The following MAT1A variants were observed in gnomAD, a reference collection of about 807,000 sequenced individuals.
MAT1A encodes S-adenosylmethionine synthase isoform type-1.
Under a neutral mutation model 44.0 loss-of-function variants are expected in MAT1A, and 19 were observed. The ratio of observed to expected loss-of-function variants is 0.43; its 90% CI spans 0.30 to 0.63. The LOEUF (loss-of-function observed/expected upper bound fraction) is 0.63. Among genes scored for constraint, MAT1A ranks in the 30% least tolerant of loss-of-function variants. The pLI, the probability that MAT1A is intolerant of heterozygous loss-of-function variation, is 0.12. For missense variants in MAT1A, 397 were observed against 531.0 expected (o/e 0.75, Z 2.48); for synonymous variants, 205 against 205.6 (o/e 1.00, Z 0.03).
In MAT1A at chr10:80,280,663, A is replaced by G; in HGVS notation, c.405+17T>C. ...AGCCAGCTCAACACACAGCTCCCAC[A>G]TGCAGTGCCGAGCTACCTGATCTCC... is the stretch of plus-strand genomic sequence containing the variant. On this transcript the variant is annotated intron_variant, in intron 4 of 8. Coordinates refer to ENST00000372213, the MANE Select transcript of MAT1A (RefSeq NM_000429.3). 1 of 1,586,558 alleles carries G rather than the reference A, an allele frequency of 6.3e-7. No individual in the cohort carries two copies. Among genetic ancestry groups the G allele is most frequent in the Non-Finnish European group, 8.7e-7 (1 of 1,154,836 alleles).
chr10:80,285,712 CTTTT>C, intron 1 of MAT1A, 123 bp from the exon 2 acceptor site: 2 of 711,794 alleles, frequency 2.8e-6, no homozygotes, highest in East Asian at 2.7e-5. Flanking sequence ...AGGGAAAACA[CTTTT>C]TTTAAGTATA....
Position 80,272,030 on chromosome 10 carries a change from G to T in MAT1A, c.*1751C>A, listed in dbSNP as rs1841415889. On this transcript the variant is annotated 3_prime_UTR_variant, in exon 9 of 9. Transcript: ENST00000372213. ...TCCCTCCCTCCATGGGAAGGAATCT[G>T]AGGCTTCCTAGGTGACCAGGAGCCG... 6.6e-6 allele frequency: 1 copy of T among 152,184 alleles called. No individual in the cohort carries two copies. The highest frequency in any genetic ancestry group is 1.5e-5 in the Non-Finnish European group (1 of 68,026). 9.4% of individuals were successfully genotyped at this position (152,184 alleles called of 1,614,324 possible). A position where few individuals can be genotyped will look rare whatever the true frequency, so the allele number is the denominator to read the frequency against.
intron 3 of MAT1A, among the ~76,000 whole-genome samples, chr10:80,282,268 C>G (rs1841577162): frequency 6.6e-6 from 1 of 152,148 alleles, no homozygotes; most frequent in South Asian, 2.1e-4. Context: ...AGGTACAGGA[C>G]TTGGAAAGGA....
intron 3 of MAT1A, among the ~76,000 whole-genome samples, chr10:80,282,963 A>C (rs1001094727): frequency 6.6e-6 from 1 of 152,210 alleles, no homozygotes; most frequent in African/African-American, 2.4e-5. Context: ...GATGACCTGG[A>C]AGTGGGTCTT....
chr10:80,279,357 G>T (rs939331988), intron 5 of MAT1A, among the ~76,000 whole-genome samples: 4 of 152,096 alleles, frequency 2.6e-5, no homozygotes, highest in African/African-American at 9.7e-5. Context: ...GAGGTGGCAG[G>T]GTGCTGCACA....
At position 80,272,440 on chromosome 10, in the gene MAT1A, C is replaced by T. The variant is rs1311493055; in HGVS notation, c.*1341G>A. On this transcript the variant is annotated 3_prime_UTR_variant, in exon 9 of 9. Coordinates refer to ENST00000372213, the MANE Select transcript of MAT1A (RefSeq NM_000429.3). ...GCAGACCCGCTCCCCAGACAGTCACCTGGCAAAGGCAGAATCTCCTCATGA... is the reference window on the plus strand; with the variant it reads ...GCAGACCCGCTCCCCAGACAGTCACTTGGCAAAGGCAGAATCTCCTCATGA... 1 of 152,352 alleles carries T rather than the reference C, an allele frequency of 6.6e-6. No individual in the cohort carries two copies. The allele number at this position is 152,352 out of a possible 1,614,324, so 9.4% of individuals were successfully genotyped here.
At position 80,289,482 on chromosome 10, in the gene MAT1A, G is replaced by T; in HGVS notation, c.-59C>A. The T allele has an allele frequency of 7.4e-7, 1 of 1,344,492 alleles. No homozygotes were observed. The highest frequency in any genetic ancestry group is 1.1e-6 in the Non-Finnish European group (1 of 952,028). The allele number at this position is 1,344,492 out of a possible 1,614,324, so 83.3% of individuals were successfully genotyped here. On this transcript the variant is annotated 5_prime_UTR_variant, in exon 1 of 9. Transcript: ENST00000372213. The stretch of plus-strand genomic sequence containing the variant: ...TGAACAATTTTGAGGCTGTGACTTT[G>T]CCTGAGTTTTTTTTTCTTCTTCTTC...
chr10:80,274,469 T>C (rs1464566485), intron 8 of MAT1A, 51 bp downstream of exon 8: 1 of 1,612,638 alleles, frequency 6.2e-7, no homozygotes, highest in Admixed American at 1.7e-5. Context: ...GGTGAGCATC[T>C]GGGCAAGGAA....
At chr10:80,282,066 C>A in intron 3 of MAT1A, among the ~76,000 whole-genome samples, 1 of 152,314 alleles carries the variant, frequency 6.6e-6, no homozygotes, top group South Asian at 2.1e-4. Context: ...CTCCTGTTTC[C>A]TAATGAATGT....
At chr10:80,276,081 C>T (rs547993527) in intron 6 of MAT1A, among the ~76,000 whole-genome samples, 16 of 152,138 alleles carry the variant, frequency 1.1e-4, no homozygotes, top group East Asian at 5.8e-4. Context: ...GTGCAGCAGC[C>T]GTGGGTAAGG....
At chr10:80,276,642 G>T (rs368562839) in intron 5 of MAT1A, 48 bp from the exon 6 acceptor site, 7 of 1,581,818 alleles carry the variant, frequency 4.4e-6, no homozygotes, top group Admixed American at 3.3e-5. Flanking sequence ...GAGGCTGAGC[G>T]AACGGCACAT....
At chr10:80,287,343 A>C (rs1036258976) in intron 1 of MAT1A, among the ~76,000 whole-genome samples, 1 of 152,236 alleles carries the variant, frequency 6.6e-6, no homozygotes, top group African/African-American at 2.4e-5. Context: ...AGTAGGCTTA[A>C]GATAGCCAAT....
Position 80,280,174 on chromosome 10 carries a change from T to C in MAT1A, c.548A>G (p.Gln183Arg). The C allele has an allele frequency of 6.2e-7, 1 of 1,614,072 alleles. No individual in the cohort carries two copies. ...TCCTGGGGTAATTCAGCTGCTCACC[T>C]GAGTCTTAGAGTCAGGCCGCAGCCA... The part of the protein sequence containing the change: ...LPWLRPDSKT[Q>R]VTVQYMQDNG... The change falls in exon 5 of 9, where the codon CAG (glutamine) becomes CGG (arginine). Residue 183 changes from glutamine (Q) to arginine (R), a missense_variant and splice_region_variant. Coordinates refer to ENST00000372213, the MANE Select transcript of MAT1A (RefSeq NM_000429.3).
chr10:80,288,390 T>A (rs1446068001), intron 1 of MAT1A, among the ~76,000 whole-genome samples: 1 of 152,186 alleles, frequency 6.6e-6, no homozygotes, highest in African/African-American at 2.4e-5. Context: ...GGCCCAGCCC[T>A]CTGTTGTCTT....
At position 80,280,048 on chromosome 10, in the gene MAT1A, T is replaced by C. The variant is rs1384428323; in HGVS notation, c.549+125A>G. ...TCACATAAATAGTTCTTTTCAAAAC[T>C]GACCATTCTTTGAATGCCCAGATTG... On this transcript the variant is annotated intron_variant, in intron 5 of 8. Transcript: ENST00000372213. The C allele has an allele frequency of 3.5e-6, 4 of 1,155,414 alleles. No homozygotes were observed. In the East Asian group the frequency reaches 7.1e-5, roughly 20 times the overall value. 71.6% of individuals were successfully genotyped at this position (1,155,414 alleles called of 1,614,324 possible). A position where few individuals can be genotyped will look rare whatever the true frequency, so the allele number is the denominator to read the frequency against.
chr10:80,271,970 G>A lies in MAT1A; in HGVS notation c.*1811C>T, dbSNP rs1157654518. 6.6e-6 allele frequency: 1 copy of A among 152,010 alleles called. No individual in the cohort carries two copies. The highest frequency in any genetic ancestry group is 1.5e-5 in the Non-Finnish European group (1 of 68,000). 9.4% of individuals were successfully genotyped at this position (152,010 alleles called of 1,614,324 possible). A position where few individuals can be genotyped will look rare whatever the true frequency, so the allele number is the denominator to read the frequency against. The stretch of plus-strand genomic sequence containing the variant: ...TTCTGAATTTTCATGTCGAGTGTGA[G>A]CCAAGTTAGAGGAACTTGGCCACCT... On this transcript the variant is annotated 3_prime_UTR_variant, in exon 9 of 9. Transcript: ENST00000372213.
chr10:80,280,203 G>A lies in MAT1A; in HGVS notation c.519C>T (p.Leu173=), dbSNP rs1266586415. 10 of 1,614,136 alleles carry A rather than the reference G, an allele frequency of 6.2e-6. No individual in the cohort carries two copies. Among genetic ancestry groups the A allele is most frequent in the Non-Finnish European group, 7.6e-6 (9 of 1,180,036 alleles). The change falls in exon 5 of 9, where the codon CTC becomes CTT. Residue 173 remains leucine (L), a synonymous_variant. Transcript: ENST00000372213. The stretch of plus-strand genomic sequence containing the variant: ...TCTTAGAGTCAGGCCGCAGCCAGGG[G>A]AGGAGGCCGGAGCGCCTGAGGTCTG... ...RMADLRRSGL[L]PWLRPDSKTQ...
At chr10:80,280,097 A>T (rs1841543235) in intron 5 of MAT1A, 76 bp downstream of exon 5, 1 of 1,525,454 alleles carries the variant, frequency 6.6e-7, no homozygotes, top group Non-Finnish European at 9.0e-7. Context: ...TAAAAATGAC[A>T]CAATCAAGAA....
rs1436863690 is a variant in MAT1A, at chr10:80,283,995, G to A, written c.213C>T (p.Ile71=). The part of the protein sequence containing the change: ...KTGMVLLCGE[I]TSMAMVDYQR... The stretch of plus-strand genomic sequence containing the variant: ...GGTAGTCCACCATGGCCATTGAGGT[G>A]ATCTCACCACACAGCAGCACCATGC... The change falls in exon 3 of 9, where the codon ATC becomes ATT. Residue 71 remains isoleucine (I), a synonymous_variant. Coordinates refer to ENST00000372213, the MANE Select transcript of MAT1A (RefSeq NM_000429.3). 5.0e-6 allele frequency: 8 copies of A among 1,614,060 alleles called. No homozygotes were observed. Among genetic ancestry groups the A allele is most frequent in the Non-Finnish European group, 5.9e-6 (7 of 1,180,028 alleles).
Sources: gnomAD v4.1 joint callset for allele counts (sites outside exome capture counted in the v4.1 genomes callset) on GRCh38, gnomAD v4.1.1 for gene constraint, MANE v1.5 for transcripts, NCBI Gene and HGNC (gene_info 2026-07-23, HGNC 2026-07-21) for gene names.